Variants in APP observed in about 807,000 individuals in gnomAD.
The protein encoded by APP is amyloid beta precursor protein.
APP carries 31 observed loss-of-function variants against 101.4 expected under a neutral mutation model. The ratio of observed to expected loss-of-function variants is 0.31; its 90% CI spans 0.23 to 0.41. APP has a LOEUF of 0.41. APP is among the 10% of genes least tolerant of loss of function. The probability of loss-of-function intolerance (pLI) is 1.00; values close to 1 mark genes in which losing one functional copy is unlikely to be tolerated. For synonymous variants in APP, 366 were observed against 364.4 expected (o/e 1.00, Z -0.05); for missense variants, 839 against 1,003.7 (o/e 0.84, Z 2.22).
intron 5 of APP, among the ~76,000 whole-genome samples, chr21:26,037,002 G>A (rs1302737992): frequency 6.6e-6 from 1 of 152,048 alleles, no homozygotes; most frequent in Non-Finnish European, 1.5e-5. Flanking sequence ...GTGTGTGTCC[G>A]TGCGTGCATG....
chr21:25,894,456 G>A (rs2037899723), intron 16 of APP, among the ~76,000 whole-genome samples: 1 of 152,174 alleles, frequency 6.6e-6, no homozygotes, highest in Middle Eastern at 3.2e-3. Context: ...GTGATCCATG[G>A]GAGATCAAAA....
intron 3 of APP, among the ~76,000 whole-genome samples, chr21:26,076,412 A>C (rs1035988989): frequency 6.6e-6 from 1 of 152,228 alleles, no homozygotes; most frequent in African/African-American, 2.4e-5. Context: ...ATTTGTAGTC[A>C]GGAGAGACTA....
At chr21:26,054,957 C>T (rs1240929185) in intron 3 of APP, among the ~76,000 whole-genome samples, 1 of 152,080 alleles carries the variant, frequency 6.6e-6, no homozygotes, top group Non-Finnish European at 1.5e-5. Flanking sequence ...CTGTTTCTAG[C>T]TCAAACATGT....
intron 3 of APP, among the ~76,000 whole-genome samples, chr21:26,063,828 A>G (rs1018680243): frequency 6.6e-6 from 1 of 152,228 alleles, no homozygotes; most frequent in Non-Finnish European, 1.5e-5. Flanking sequence ...ACTTCCTTCC[A>G]AAGAGTAGAG....
chr21:26,147,321 T>C (rs1487829968), intron 1 of APP, among the ~76,000 whole-genome samples: 1 of 152,200 alleles, frequency 6.6e-6, no homozygotes, highest in Non-Finnish European at 1.5e-5. Context: ...AGAATTCACT[T>C]GACATGCTGA....
At chr21:25,958,816 A>G (rs929154418) in intron 11 of APP, among the ~76,000 whole-genome samples, 2 of 152,168 alleles carry the variant, frequency 1.3e-5, no homozygotes, top group African/African-American at 4.8e-5. Flanking sequence ...TAAGAGTTCA[A>G]TGTGTATTGA....
chr21:26,062,557 G>A (rs1423178886), intron 3 of APP, among the ~76,000 whole-genome samples: 4 of 151,106 alleles, frequency 2.6e-5, no homozygotes, highest in Non-Finnish European at 5.9e-5. Flanking sequence ...AGCTACTCGG[G>A]AGGCTGGGGC....
chr21:25,940,407 C>T (rs1030440716), intron 13 of APP, among the ~76,000 whole-genome samples: 6 of 152,098 alleles, frequency 3.9e-5, no homozygotes, highest in African/African-American at 9.7e-5. Flanking sequence ...AGGTTTCACC[C>T]ATATACTTAG....
chr21:26,089,165 A>G (rs1000802033), intron 3 of APP, among the ~76,000 whole-genome samples: 3 of 152,188 alleles, frequency 2.0e-5, no homozygotes, highest in Admixed American at 6.5e-5. Context: ...TGATGAATAC[A>G]CTTGTGGAAA....
Position 26,000,013 on chromosome 21 carries a change from A to G in APP, c.1033+2T>C. 6.2e-7 allele frequency: 1 copy of G among 1,614,010 alleles called. No individual in the cohort carries two copies. The highest frequency in any genetic ancestry group is 8.5e-7 in the Non-Finnish European group (1 of 1,179,942). On this transcript the variant is annotated splice_donor_variant, in intron 7 of 17. Transcript: ENST00000346798. LOFTEE classifies it high-confidence loss of function. ...GCCAGGCTCGAAGAAGGGTCCACTT[A>G]CTGGCGCTGCCACACACGGCCATGC...
At chr21:26,007,882 T>G (rs1023033497) in intron 6 of APP, among the ~76,000 whole-genome samples, 1 of 152,190 alleles carries the variant, frequency 6.6e-6, no homozygotes, top group Non-Finnish European at 1.5e-5. Context: ...GGCAATAAAT[T>G]ATCAAATATT....
At chr21:26,034,151 G>A (rs1555852073) in intron 5 of APP, among the ~76,000 whole-genome samples, 2 of 152,130 alleles carry the variant, frequency 1.3e-5, no homozygotes, top group Non-Finnish European at 2.9e-5. Flanking sequence ...CTCACTTTCT[G>A]CATGGATAAT....
chr21:25,997,366 C>A lies in APP; in HGVS notation c.1084G>T (p.Val362Phe). Reference sequence around the variant, plus strand: ...CAGGTGAATGACAACGTACGTTTAACAGGATCTCGGGCAAGAGGTTCCTGG... The same window carrying A: ...CAGGTGAATGACAACGTACGTTTAAAAGGATCTCGGGCAAGAGGTTCCTGG... ...TTQEPLARDP[V>F]KLPTTAASTP... The change falls in exon 8 of 18, where the codon GTT (valine) becomes TTT (phenylalanine). Residue 362 changes from valine (V) to phenylalanine (F), a missense_variant. Coordinates refer to ENST00000346798, the MANE Select transcript of APP (RefSeq NM_000484.4). The A allele has an allele frequency of 6.2e-7, 1 of 1,613,860 alleles. No individual in the cohort carries two copies. Among genetic ancestry groups the A allele is most frequent in the Non-Finnish European group, 8.5e-7 (1 of 1,179,766 alleles).
At chr21:25,986,238 A>T (rs190286222) in intron 8 of APP, among the ~76,000 whole-genome samples, 4 of 152,342 alleles carry the variant, frequency 2.6e-5, no homozygotes, top group African/African-American at 9.6e-5. Flanking sequence ...GAAGCTGTAT[A>T]TCAGCAGGTC....
chr21:26,133,467 A>C (rs1180816142), intron 1 of APP, among the ~76,000 whole-genome samples: 1 of 152,046 alleles, frequency 6.6e-6, no homozygotes, highest in Non-Finnish European at 1.5e-5. Flanking sequence ...CTTATTCTAT[A>C]TCTTTTGGCT....
At chr21:25,985,876 T>C (rs2042617753) in intron 8 of APP, among the ~76,000 whole-genome samples, 1 of 152,066 alleles carries the variant, frequency 6.6e-6, no homozygotes, top group Admixed American at 6.6e-5. Context: ...CCTATATTCA[T>C]ACCAACCAGC....
At chr21:25,988,560 G>A (rs747315204) in intron 8 of APP, among the ~76,000 whole-genome samples, 1 of 151,968 alleles carries the variant, frequency 6.6e-6, no homozygotes, top group Non-Finnish European at 1.5e-5. Context: ...AAATTAGCTG[G>A]GCGTGGTGGC....
At chr21:26,023,130 G>A (rs962670300) in intron 5 of APP, among the ~76,000 whole-genome samples, 4 of 152,324 alleles carry the variant, frequency 2.6e-5, no homozygotes, top group South Asian at 2.1e-4. Context: ...ATTTAGTTGC[G>A]TACCCTATGG....
At position 26,150,608 on chromosome 21, in the gene APP, G is replaced by T. The variant is rs551897733; in HGVS notation, c.57+19956C>A. Among the ~76,000 whole-genome samples the T allele has an allele frequency of 8.6e-5, 13 of 150,342 alleles. No homozygotes were observed. The South Asian group carries it at 2.4e-3, about 27-fold the overall frequency. On this transcript the variant is annotated intron_variant, in intron 1 of 17. Transcript: ENST00000346798. ...ATACTGATTGACATCTAGATAGACA[G>T]ATAGATAGACAGATAGATAGACAGA...
Sources: allele counts gnomAD v4.1 joint callset (sites outside exome capture counted in the v4.1 genomes callset), GRCh38; gene constraint gnomAD v4.1.1; transcripts MANE v1.5; gene names NCBI Gene and HGNC (gene_info 2026-07-23, HGNC 2026-07-21).